Variants in DNMT3A observed in about 807,000 individuals in gnomAD.
DNMT3A encodes the protein DNA methyltransferase 3 alpha.
In DNMT3A, 267 loss-of-function variants were observed where a neutral mutation model predicts 117.6. That is an observed-to-expected ratio of 2.27 (90% CI 2.05 to 2.51). The LOEUF (loss-of-function observed/expected upper bound fraction) is 2.51, where lower values mean the gene tolerates loss of function less well. Among genes scored for constraint, DNMT3A ranks in the 30% most tolerant of loss-of-function variants. The pLI, the probability that DNMT3A is intolerant of heterozygous loss-of-function variation, is 0.00. For synonymous variants in DNMT3A, 432 were observed against 474.8 expected, an observed-to-expected ratio of 0.91 and a Z score of 1.17; for missense variants, 1,029 against 1,260.2, an observed-to-expected ratio of 0.82 and a Z score of 2.78.
At chr2:25,251,658 G>C (rs1402340277) in intron 6 of DNMT3A, among the ~76,000 whole-genome samples, 1 of 152,206 alleles carries the variant, frequency 6.6e-6, no homozygotes, top group Admixed American at 6.5e-5. Flanking sequence ...CCCCCTGTCA[G>C]GGTCGCACCG....
chr2:25,269,234 C>T (rs1219320042), intron 6 of DNMT3A, among the ~76,000 whole-genome samples: 6 of 152,108 alleles, frequency 3.9e-5, no homozygotes, highest in East Asian at 1.9e-4. Context: ...AGGCGAGGCA[C>T]GAGAATCACT....
chr2:25,243,110 G>T (rs775278665), intron 16 of DNMT3A, among the ~76,000 whole-genome samples: 27 of 152,062 alleles, frequency 1.8e-4, no homozygotes, highest in Non-Finnish European at 3.7e-4. Context: ...ATCGAGACCA[G>T]CCTGGCCAAC....
chr2:25,246,380 C>G (rs1419998979), intron 10 of DNMT3A, 71 bp from the exon 11 acceptor site: 1 of 1,522,624 alleles, frequency 6.6e-7, no homozygotes, highest in Non-Finnish European at 8.9e-7. Context: ...CCCCCACCCT[C>G]CTTACAGTGG....
At position 25,311,300 on chromosome 2, in the gene DNMT3A, G is replaced by A. The variant is rs768098292; in HGVS notation, c.72+2613C>T. Among the ~76,000 whole-genome samples the A allele has an allele frequency of 6.6e-6, 1 of 152,212 alleles. No homozygotes were observed. Among genetic ancestry groups the A allele is most frequent in the Non-Finnish European group, 1.5e-5 (1 of 68,036 alleles). On this transcript the variant is annotated intron_variant, in intron 2 of 22. Transcript: ENST00000321117. The surrounding 1 kb of genome is among the most constrained non-coding windows in gnomAD (Gnocchi z 5.2). ...GCTCCCTGGGCTGCAGACCAAGCCT[G>A]TGTCTTCCCCTCTGCAGCTACCAGC...
chr2:25,338,590 C>A (rs1278783945), intron 1 of DNMT3A, among the ~76,000 whole-genome samples: 1 of 152,176 alleles, frequency 6.6e-6, no homozygotes, highest in African/African-American at 2.4e-5. Context: ...CAGTGCGCTC[C>A]CCTCGCTCAG....
rs1040685845 is a variant in DNMT3A at position 25,287,470 on chromosome 2, C to T, written c.178-4759G>A. Among the ~76,000 whole-genome samples the T allele has an allele frequency of 5.3e-5, 8 of 152,158 alleles. 1 individual carries two copies. Among genetic ancestry groups the T allele is most frequent in the South Asian group, 2.1e-4 (1 of 4,824 alleles). On this transcript the variant is annotated intron_variant, in intron 3 of 22. Coordinates refer to ENST00000321117, the MANE Select transcript of DNMT3A (RefSeq NM_022552.5). Reference sequence around the variant, plus strand: ...TGCCCACCACTTCCTGGGGTCCCTCCGAGTTTGCCAATCTTCGCTTTCCTT... The same window carrying T: ...TGCCCACCACTTCCTGGGGTCCCTCTGAGTTTGCCAATCTTCGCTTTCCTT...
chr2:25,250,332 T>G (rs1225615414), intron 6 of DNMT3A, among the ~76,000 whole-genome samples: 1 of 152,220 alleles, frequency 6.6e-6, no homozygotes, highest in Non-Finnish European at 1.5e-5. Context: ...CGAAAAACAC[T>G]GAAGATGTTA....
At chr2:25,318,231 T>C (rs2034457889) in intron 1 of DNMT3A, among the ~76,000 whole-genome samples, 2 of 152,200 alleles carry the variant, frequency 1.3e-5, no homozygotes, top group African/African-American at 4.8e-5. Flanking sequence ...CTATGTAGAC[T>C]TGAAAACCAA....
At position 25,286,764 on chromosome 2, in the gene DNMT3A, C is replaced by T. The variant is rs1341587810; in HGVS notation, c.178-4053G>A. Among the ~76,000 whole-genome samples the T allele has an allele frequency of 6.6e-6, 1 of 152,212 alleles. No individual in the cohort carries two copies. The highest frequency in any genetic ancestry group is 1.5e-5 in the Non-Finnish European group (1 of 68,032). On this transcript the variant is annotated intron_variant, in intron 3 of 22. Transcript: ENST00000321117. This position sits in a 1 kb window ranked among gnomAD's most constrained non-coding sequence, Gnocchi z 4.3. The stretch of plus-strand genomic sequence containing the variant: ...AGAGCTGGGTGCTCACTGAAGGAGC[C>T]ATCCCTGGTGAGAAGGGCAGAAACC...
At position 25,234,429 on chromosome 2, in the gene DNMT3A, GA is replaced by G; in HGVS notation, c.2598-10del. The G allele has an allele frequency of 3.1e-6, 5 of 1,610,418 alleles. No homozygotes were observed. The highest frequency in any genetic ancestry group is 2.2e-5 in the East Asian group (1 of 44,750). On this transcript the variant is annotated splice_polypyrimidine_tract_variant and intron_variant, in intron 22 of 22. Transcript: ENST00000321117. The surrounding 1 kb of genome is among the most constrained non-coding windows in gnomAD (Gnocchi z 4.5). ...CTGGGAAACCAAATACCCTGGGGGA[GA>G]AAAGGCAGAGAGGGCAGGGTGAGTG...
chr2:25,247,884 G>C lies in DNMT3A; in HGVS notation c.856-135C>G. 6.6e-7 allele frequency: 1 copy of C among 1,523,996 alleles called. No homozygotes were observed. The highest frequency in any genetic ancestry group is 2.1e-5 in the Admixed American group (1 of 47,668). The allele number at this position is 1,523,996 out of a possible 1,614,324, so 94.4% of individuals were successfully genotyped here. ...AGGGAGCTCCATCTGAATGAGGCAA[G>C]ACAGAGCAAAATCGGGGAGACGAAG... On this transcript the variant is annotated intron_variant, in intron 7 of 22. Transcript: ENST00000321117. The surrounding 1 kb of genome is among the most constrained non-coding windows in gnomAD (Gnocchi z 5.6).
At chr2:25,262,069 A>G (rs2149345196) in intron 6 of DNMT3A, among the ~76,000 whole-genome samples, 1 of 152,108 alleles carries the variant, frequency 6.6e-6, no homozygotes, top group Middle Eastern at 3.4e-3. Flanking sequence ...ACATGCCTGT[A>G]ACCCCACCTA....
intron 2 of DNMT3A, among the ~76,000 whole-genome samples, chr2:25,301,321 T>G (rs758651972): frequency 2.0e-5 from 3 of 152,048 alleles, no homozygotes; most frequent in Non-Finnish European, 4.4e-5. Context: ...GCAATATCTA[T>G]TTGAAGTCCA....
chr2:25,323,446 TG>T (rs2034673975), intron 1 of DNMT3A, among the ~76,000 whole-genome samples: 1 of 152,206 alleles, frequency 6.6e-6, no homozygotes, highest in Admixed American at 6.5e-5. Flanking sequence ...CAGGGCTCCC[TG>T]GGAGGCCAAC....
chr2:25,323,225 C>T (rs1489107543), intron 1 of DNMT3A, among the ~76,000 whole-genome samples: 2 of 152,148 alleles, frequency 1.3e-5, no homozygotes, highest in Non-Finnish European at 2.9e-5. Context: ...GTCTTCCCGC[C>T]ATGTGGGTGA....
Position 25,239,187 on chromosome 2 carries a change from T to TCTTTGGCATCAATCATCACAGGGTTGGA in DNMT3A, c.2323_2350dup (p.Glu784ValfsTer7). The TCTTTGGCATCAATCATCACAGGGTTGGA allele has an allele frequency of 6.2e-7, 1 of 1,614,068 alleles. No individual in the cohort carries two copies. The highest frequency in any genetic ancestry group is 8.5e-7 in the Non-Finnish European group (1 of 1,179,960). On this transcript the variant is annotated stop_gained and frameshift_variant, in exon 20 of 23. Coordinates refer to ENST00000321117, the MANE Select transcript of DNMT3A (RefSeq NM_022552.5). LOFTEE classifies it high-confidence loss of function. Reference sequence around the variant, plus strand: ...GCGGGCCCTGTGTGCAGCTGACACTTCTTTGGCATCAATCATCACAGGGTT... The same window carrying TCTTTGGCATCAATCATCACAGGGTTGGA: ...GCGGGCCCTGTGTGCAGCTGACACTTCTTTGGCATCAATCATCACAGGGTTGGACTTTGGCATCAATCATCACAGGGTT...
At chr2:25,335,832 C>T (rs2035195084) in intron 1 of DNMT3A, among the ~76,000 whole-genome samples, 1 of 152,144 alleles carries the variant, frequency 6.6e-6, no homozygotes, top group Admixed American at 6.5e-5. Context: ...TGGTGGTGAG[C>T]AGGGCCGTGA....
intron 16 of DNMT3A, among the ~76,000 whole-genome samples, chr2:25,242,946 T>C (rs1352733470): frequency 6.6e-6 from 1 of 152,118 alleles, no homozygotes; most frequent in Non-Finnish European, 1.5e-5. Flanking sequence ...AATGACCTAA[T>C]AGGGGTTCGT....
intron 6 of DNMT3A, among the ~76,000 whole-genome samples, chr2:25,264,474 G>A (rs1329719427): frequency 7.2e-6 from 1 of 138,654 alleles, no homozygotes; most frequent in Non-Finnish European, 1.5e-5. Context: ...TTTTTGTTTT[G>A]TTTTTTTTTG....
Sources: allele counts gnomAD v4.1 joint callset (sites outside exome capture counted in the v4.1 genomes callset), GRCh38; gene constraint gnomAD v4.1.1; non-coding constraint Gnocchi (gnomAD v3.1); transcripts MANE v1.5; gene names NCBI Gene and HGNC (gene_info 2026-07-23, HGNC 2026-07-21).